CARS2: variants seen among roughly 807,000 people sequenced by gnomAD.
CARS2 encodes cysteinyl-tRNA synthetase 2, mitochondrial.
A neutral mutation model predicts 68.8 loss-of-function variants in CARS2; 52 were observed. That is an observed-to-expected ratio of 0.76 (90% CI 0.61 to 0.95). The LOEUF (loss-of-function observed/expected upper bound fraction) is 0.95. CARS2 is among the 40% of genes least tolerant of loss of function. The pLI is 0.00. For synonymous variants in CARS2, 314 were observed against 303.6 expected, an observed-to-expected ratio of 1.03 and a Z score of -0.36; for missense variants, 780 against 754.2, an observed-to-expected ratio of 1.03 and a Z score of -0.40.
chr13:110,709,286 G>T (rs2064007422), upstream of CARS2, among the ~76,000 whole-genome samples: 1 of 151,816 alleles, frequency 6.6e-6, no homozygotes, highest in African/African-American at 2.4e-5. Context: ...TACAGATGGG[G>T]TTTCTCCATG....
chr13:110,666,361 G>C, intron 8 of CARS2: 4 of 985,362 alleles, frequency 4.1e-6, no homozygotes, highest in Non-Finnish European at 4.8e-6. Flanking sequence ...CTGGACAACA[G>C]CTCCTAAGTC....
At chr13:110,692,027 C>T (rs58789225) in intron 3 of CARS2, among the ~76,000 whole-genome samples, 2,747 of 70,948 alleles carry the variant, frequency 0.039, 130 homozygotes, top group African/African-American at 0.12. Flanking sequence ...TATATATACA[C>T]ACACACACAT....
intron 9 of CARS2, among the ~76,000 whole-genome samples, chr13:110,654,562 C>A (rs913925754): frequency 6.6e-6 from 1 of 151,560 alleles, no homozygotes; most frequent in African/African-American, 2.4e-5. Flanking sequence ...ATAGACAAAT[C>A]AACACAGCAA....
At chr13:110,662,639 C>T (rs1332594436) in intron 9 of CARS2, among the ~76,000 whole-genome samples, 1 of 152,204 alleles carries the variant, frequency 6.6e-6, no homozygotes, top group African/African-American at 2.4e-5. Context: ...GCAAAATCAT[C>T]ACAACTACTG....
intron 9 of CARS2, among the ~76,000 whole-genome samples, chr13:110,651,442 C>G (rs967885418): frequency 6.6e-6 from 1 of 152,190 alleles, no homozygotes; most frequent in Non-Finnish European, 1.5e-5. Flanking sequence ...CAGCATGGAG[C>G]GATGCTGTGC....
At chr13:110,664,260 C>G in intron 8 of CARS2, 1 of 937,668 alleles carries the variant, frequency 1.1e-6, no homozygotes, top group Non-Finnish European at 1.3e-6. Flanking sequence ...TAATACCAGC[C>G]CTTTGGGAGG....
At chr13:110,690,538 G>A (rs2063428530) in intron 3 of CARS2, among the ~76,000 whole-genome samples, 1 of 152,166 alleles carries the variant, frequency 6.6e-6, no homozygotes, top group South Asian at 2.1e-4. Flanking sequence ...GAGCTGCCTC[G>A]CTCCTTTCAA....
At chr13:110,694,413 G>A (rs1195254063) in intron 3 of CARS2, among the ~76,000 whole-genome samples, 1 of 151,072 alleles carries the variant, frequency 6.6e-6, no homozygotes, top group African/African-American at 2.4e-5. Context: ...GAGGCAGCTG[G>A]ATCACCTGAG....
chr13:110,690,431 T>A (rs1211491296), intron 3 of CARS2, among the ~76,000 whole-genome samples: 1 of 152,106 alleles, frequency 6.6e-6, no homozygotes, highest in Non-Finnish European at 1.5e-5. Context: ...TTTCTTGGAA[T>A]CCCCAAATGC....
At chr13:110,712,990 C>T (rs2064051935) in intron 1 of CARS2, 4 of 1,549,648 alleles carry the variant, frequency 2.6e-6, no homozygotes, top group Non-Finnish European at 3.5e-6. Context: ...AGGTCTCCCG[C>T]GCACTCTGCG....
At chr13:110,688,119 A>C (rs1594374490) in intron 3 of CARS2, 101 bp from the exon 4 acceptor site, 3 of 665,386 alleles carry the variant, frequency 4.5e-6, no homozygotes, top group South Asian at 2.2e-5. Context: ...CAGCAAACAT[A>C]CCCCGGCCAC....
At chr13:110,690,729 C>G (rs2063435314) in intron 3 of CARS2, among the ~76,000 whole-genome samples, 1 of 152,218 alleles carries the variant, frequency 6.6e-6, no homozygotes, top group Non-Finnish European at 1.5e-5. Context: ...ATGGACTTGG[C>G]CGCTCCTGCA....
In CARS2 at chr13:110,642,329, C is replaced by T. The variant is rs777503937; in HGVS notation, c.1609G>A (p.Gly537Ser). Reference sequence around the variant, plus strand: ...GCGGCACTCACCTTGATGTTGATGCCGTGGGCAGTCAGGCCCCGGCGCAGG... The same window carrying T: ...GCGGCACTCACCTTGATGTTGATGCTGTGGGCAGTCAGGCCCCGGCGCAGG... ...DTLRRGLTAH[G>S]INIKDRSSTT... is the part of the protein sequence containing the mutation. The change falls in exon 14 of 15, where the codon GGC becomes AGC. Residue 537 changes from glycine to serine, a missense_variant. Coordinates refer to ENST00000257347, the MANE Select transcript of CARS2 (RefSeq NM_024537.4). 4.3e-5 allele frequency: 67 copies of T among 1,550,150 alleles called. 1 individual carries two copies. Among genetic ancestry groups the T allele is most frequent in the East Asian group, 3.2e-4 (13 of 40,906 alleles).
intron 12 of CARS2, chr13:110,645,324 CAACT>C (rs1168187636): frequency 6.6e-6 from 1 of 152,416 alleles, no homozygotes; most frequent in Non-Finnish European, 1.5e-5. Flanking sequence ...CAGAGATGCT[CAACT>C]AACAGAGCAT....
In CARS2 at chr13:110,641,519, C is replaced by T. The variant is rs1169591010; in HGVS notation, c.*18G>A. 1 of 1,603,500 alleles carries T rather than the reference C, an allele frequency of 6.2e-7. No homozygotes were observed. Among genetic ancestry groups the T allele is most frequent in the East Asian group, 2.2e-5 (1 of 44,836 alleles). ...GGGTGCGTCTTGTCGTGAGCAGGTT[C>T]ATGGCTGTGCTCCATCCTCAGCCCG... is the stretch of plus-strand genomic sequence containing the variant. On this transcript the variant is annotated 3_prime_UTR_variant, in exon 15 of 15. Coordinates refer to ENST00000257347, the MANE Select transcript of CARS2 (RefSeq NM_024537.4).
At position 110,687,703 on chromosome 13, in the gene CARS2, AAAG is replaced by A. The variant is rs763610904; in HGVS notation, c.571+15_571+17del. The A allele has an allele frequency of 1.3e-6, 2 of 1,482,648 alleles. No homozygotes were observed. The highest frequency in any genetic ancestry group is 1.2e-5 in the South Asian group (1 of 81,530). The allele number at this position is 1,482,648 out of a possible 1,614,324, so 91.8% of individuals were successfully genotyped here. A position where few individuals can be genotyped will look rare whatever the true frequency, so the allele number is the denominator to read the frequency against. On this transcript the variant is annotated intron_variant, in intron 5 of 14. Transcript: ENST00000257347. ...CAAAAAAAAAAAAAGAAAAAAAAAA[AAAG>A]AACATAAACCCTACCTTTTGCCGTT...
At chr13:110,663,343 G>A (rs1184937530) in intron 9 of CARS2, 108 bp downstream of exon 9, 1 of 1,118,206 alleles carries the variant, frequency 8.9e-7, no homozygotes, top group Non-Finnish European at 1.3e-6. Flanking sequence ...AAAGGGGCCA[G>A]AGGGCACTGG....
At chr13:110,664,008 G>C in intron 8 of CARS2, 1 of 987,494 alleles carries the variant, frequency 1.0e-6, no homozygotes, top group Non-Finnish European at 1.2e-6. Context: ...GTTGCAGTTG[G>C]TTTCACAGAC....
chr13:110,647,834 A>G (rs1262543367), intron 10 of CARS2, among the ~76,000 whole-genome samples: 1 of 100,372 alleles, frequency 1.0e-5, no homozygotes, highest in African/African-American at 5.4e-5. Context: ...TGGGTAAGAC[A>G]ACAGGAGTGA....
Sources: allele counts gnomAD v4.1 joint callset (sites outside exome capture counted in the v4.1 genomes callset), GRCh38; gene constraint gnomAD v4.1.1; transcripts MANE v1.5; gene names NCBI Gene and HGNC (gene_info 2026-07-23, HGNC 2026-07-21).